SPIDR: variants seen among roughly 807,000 people sequenced by gnomAD.
The protein encoded by SPIDR is DNA repair-scaffolding protein.
Under a neutral mutation model 104.6 loss-of-function variants are expected in SPIDR, and 93 were observed. The ratio of observed to expected loss-of-function variants is 0.89; its 90% CI spans 0.75 to 1.06. The LOEUF (loss-of-function observed/expected upper bound fraction) is 1.06. SPIDR is among the 50% of genes least tolerant of loss of function. The pLI, the probability that SPIDR is intolerant of heterozygous loss-of-function variation, is 0.00. For synonymous variants in SPIDR, 431 were observed against 416.9 expected (o/e 1.03, Z -0.41); for missense variants, 1,154 against 1,111.2 (o/e 1.04, Z -0.55).
chr8:47,705,971 A>G (rs1173134494), intron 14 of SPIDR, among the ~76,000 whole-genome samples: 1 of 152,124 alleles, frequency 6.6e-6, no homozygotes, highest in South Asian at 2.1e-4. Flanking sequence ...TGAAAAAGAT[A>G]GTTTTCATAT....
At chr8:47,715,780 C>T (rs756974326) in intron 16 of SPIDR, among the ~76,000 whole-genome samples, 42 of 152,184 alleles carry the variant, frequency 2.8e-4, no homozygotes, top group Non-Finnish European at 5.0e-4. Context: ...TTGGCTACTA[C>T]GAATAAAGCT....
chr8:47,311,798 C>T (rs1554585353), intron 5 of SPIDR, among the ~76,000 whole-genome samples: 1 of 151,778 alleles, frequency 6.6e-6, no homozygotes, highest in African/African-American at 2.4e-5. Context: ...ATACATGTGC[C>T]ATGTTGGTGT....
chr8:47,708,379 C>A lies in SPIDR; in HGVS notation c.1978-4283C>A, dbSNP rs139063514. ...TTTATTAGACTTTTTTCTTTTAGAG[C>A]AGTTTTAGGTTCACAGCAAAATTGA... On this transcript the variant is annotated intron_variant, in intron 14 of 19. Transcript: ENST00000297423. Among the ~76,000 whole-genome samples, 21 of 152,310 alleles carry A rather than the reference C, an allele frequency of 1.4e-4. No individual in the cohort carries two copies. In the East Asian group the frequency reaches 4.0e-3, roughly 29 times the overall value.
At chr8:47,356,916 C>T (rs2054660229) in intron 5 of SPIDR, among the ~76,000 whole-genome samples, 1 of 152,186 alleles carries the variant, frequency 6.6e-6, no homozygotes, top group Non-Finnish European at 1.5e-5. Context: ...CATATTTTCT[C>T]ACTCAGTTTC....
At chr8:47,660,485 C>T (rs1470086160) in intron 10 of SPIDR, 1 of 985,350 alleles carries the variant, frequency 1.0e-6, no homozygotes, top group African/African-American at 1.7e-5. Context: ...AATCAAAGTC[C>T]TGCGGAATGG....
chr8:47,389,604 G>T (rs1039772869), intron 5 of SPIDR, among the ~76,000 whole-genome samples: 10 of 150,878 alleles, frequency 6.6e-5, no homozygotes, highest in African/African-American at 2.5e-4. Flanking sequence ...CAGGAGAATG[G>T]CGTGAACCCG....
intron 6 of SPIDR, among the ~76,000 whole-genome samples, chr8:47,400,299 C>G (rs978300280): frequency 6.6e-6 from 1 of 152,232 alleles, no homozygotes; most frequent in Non-Finnish European, 1.5e-5. Context: ...TGAAGCTGCT[C>G]AAACAGCATG....
At chr8:47,528,623 A>G (rs1282137660) in intron 8 of SPIDR, among the ~76,000 whole-genome samples, 1 of 152,194 alleles carries the variant, frequency 6.6e-6, no homozygotes, top group Non-Finnish European at 1.5e-5. Flanking sequence ...ATCAAAAGGA[A>G]ATCCTAGAAA....
At chr8:47,511,230 A>G (rs547092112) in intron 8 of SPIDR, 3 of 1,589,916 alleles carry the variant, frequency 1.9e-6, no homozygotes, top group Non-Finnish European at 2.6e-6. Flanking sequence ...CCAGCCTCCC[A>G]CCGTCTGCAA....
intron 1 of SPIDR, among the ~76,000 whole-genome samples, chr8:47,273,166 G>C (rs1322177117): frequency 6.6e-6 from 1 of 152,168 alleles, no homozygotes; most frequent in Non-Finnish European, 1.5e-5. Context: ...TCAGTCCCAC[G>C]AGACTGGCCC....
chr8:47,713,296 C>T, intron 15 of SPIDR, 193 bp from the exon 16 acceptor site: 1 of 735,034 alleles, frequency 1.4e-6, no homozygotes, highest in Non-Finnish European at 2.2e-6. Context: ...ACTTGAATCT[C>T]ACATTTGAGT....
chr8:47,264,707 G>A (rs1249027637), intron 1 of SPIDR, among the ~76,000 whole-genome samples: 7 of 151,398 alleles, frequency 4.6e-5, no homozygotes, highest in Admixed American at 4.0e-4. Flanking sequence ...TCGGCTCACT[G>A]CAACCACTGT....
In SPIDR at chr8:47,640,428, A is replaced by G. The variant is rs552160200; in HGVS notation, c.1545-33373A>G. On this transcript the variant is annotated intron_variant, in intron 10 of 19. Transcript: ENST00000297423. ...AGAAGTAAAAACATATGATCAAAGC[A>G]GACAATAACAACAAAGTCCCACAGT... 2.5e-3 allele frequency among the ~76,000 whole-genome samples: 378 copies of G among 152,334 alleles called. 2 individuals are homozygous for G. Among genetic ancestry groups the G allele is most frequent in the African/African-American group, 8.8e-3 (365 of 41,580 alleles).
At chr8:47,381,580 T>C (rs1034490272) in intron 5 of SPIDR, among the ~76,000 whole-genome samples, 4 of 152,244 alleles carry the variant, frequency 2.6e-5, no homozygotes, top group African/African-American at 9.6e-5. Context: ...AGGGTGAACT[T>C]GGCATAACAC....
intron 5 of SPIDR, among the ~76,000 whole-genome samples, chr8:47,351,875 C>T (rs199686734): frequency 1.5e-4 from 23 of 152,192 alleles, no homozygotes; most frequent in East Asian, 7.7e-4. Flanking sequence ...TTCTTGTCAT[C>T]GGAGTGAGCA....
At chr8:47,621,574 C>T (rs536151663) in intron 10 of SPIDR, among the ~76,000 whole-genome samples, 1 of 152,346 alleles carries the variant, frequency 6.6e-6, no homozygotes, top group South Asian at 2.1e-4. Flanking sequence ...TGTGTGTGCA[C>T]ATATCCATTT....
chr8:47,512,064 G>A (rs921978296), intron 8 of SPIDR: 13 of 644,414 alleles, frequency 2.0e-5, no homozygotes, highest in Admixed American at 1.1e-4. Context: ...TAGCCGACTC[G>A]AGGAAGAAGC....
At chr8:47,333,404 C>T (rs182335268) in intron 5 of SPIDR, among the ~76,000 whole-genome samples, 1 of 152,190 alleles carries the variant, frequency 6.6e-6, no homozygotes, top group Non-Finnish European at 1.5e-5. Flanking sequence ...TGGGTTCAAG[C>T]AATTCTCCTG....
chr8:47,385,237 T>A (rs2059749267), intron 5 of SPIDR, among the ~76,000 whole-genome samples: 1 of 152,160 alleles, frequency 6.6e-6, no homozygotes, highest in Non-Finnish European at 1.5e-5. Flanking sequence ...TTCTTCTGTA[T>A]TTTTTTGTTT....
Sources: gnomAD v4.1 joint callset for allele counts (sites outside exome capture counted in the v4.1 genomes callset) on GRCh38, gnomAD v4.1.1 for gene constraint, MANE v1.5 for transcripts, NCBI Gene and HGNC (gene_info 2026-07-23, HGNC 2026-07-21) for gene names.